KIF15: variants seen among roughly 807,000 people sequenced by gnomAD.
KIF15 encodes kinesin family member 15.
KIF15 carries 140 observed loss-of-function variants against 190.6 expected under a neutral mutation model. The ratio of observed to expected loss-of-function variants is 0.73; its 90% CI spans 0.64 to 0.84. KIF15 has a LOEUF of 0.84. Ranked by LOEUF, KIF15 falls within the 40% of genes least tolerant of loss-of-function variation. KIF15 has a pLI of 0.00. For synonymous variants in KIF15, 528 were observed against 551.3 expected (o/e 0.96, Z 0.59); for missense variants, 1,372 against 1,584.4 (o/e 0.87, Z 2.28).
intron 27 of KIF15, among the ~76,000 whole-genome samples, chr3:44,839,099 G>A (rs764183541): frequency 3.3e-5 from 5 of 152,024 alleles, no homozygotes; most frequent in African/African-American, 1.2e-4. Context: ...GTCCAGGTGC[G>A]GTGGCTCACA....
At chr3:44,866,592 C>T (rs1310691538) in intron 6 of KIF15, among the ~76,000 whole-genome samples, 2 of 152,204 alleles carry the variant, frequency 1.3e-5, no homozygotes, top group Non-Finnish European at 2.9e-5. Flanking sequence ...GACCTGGTAG[C>T]CAGGAGGCTA....
At chr3:44,828,684 G>A (rs890095093) in intron 24 of KIF15, among the ~76,000 whole-genome samples, 27 of 152,244 alleles carry the variant, frequency 1.8e-4, no homozygotes, top group African/African-American at 5.1e-4. Flanking sequence ...TTTAAATTAC[G>A]TATAAAATTC....
Position 44,851,789 on chromosome 3 carries a change from TAGA to T in KIF15, c.3815_3817del (p.Glu1272del), listed in dbSNP as rs1699065970. 18 of 1,611,650 alleles carry T rather than the reference TAGA, an allele frequency of 1.1e-5. No homozygotes were observed. Among genetic ancestry groups the T allele is most frequent in the Non-Finnish European group, 1.4e-5 (17 of 1,178,644 alleles). ...AAAGTGATAACCTATTCCTACAGCC[TAGA>T]AGAAGTCCAAAGTGCCCTTTACAAC... On this transcript the variant is annotated inframe_deletion, in exon 33 of 35. Transcript: ENST00000326047.
At chr3:44,811,706 A>G (rs1185547756) in intron 17 of KIF15, among the ~76,000 whole-genome samples, 2 of 152,216 alleles carry the variant, frequency 1.3e-5, no homozygotes, top group Admixed American at 6.6e-5. Context: ...TTTTTAATAT[A>G]TTTGAAATAA....
At chr3:44,862,050 C>T in intron 6 of KIF15, 2 of 1,344,332 alleles carry the variant, frequency 1.5e-6, no homozygotes, top group East Asian at 3.0e-5. Flanking sequence ...GCGTATTCAA[C>T]TGTCTGTGCG....
chr3:44,822,817 G>C (rs1459711207), intron 20 of KIF15, among the ~76,000 whole-genome samples: 2 of 152,104 alleles, frequency 1.3e-5, no homozygotes, highest in Admixed American at 6.5e-5. Flanking sequence ...GCCTTGTGCA[G>C]GTGTCATGAA....
At chr3:44,824,247 C>T (rs1270940586) in intron 20 of KIF15, among the ~76,000 whole-genome samples, 1 of 152,200 alleles carries the variant, frequency 6.6e-6, no homozygotes, top group Non-Finnish European at 1.5e-5. Context: ...ATCTATATTT[C>T]AGCATTCTCT....
At chr3:44,842,248 T>C (rs916243205) in intron 29 of KIF15, among the ~76,000 whole-genome samples, 3 of 152,186 alleles carry the variant, frequency 2.0e-5, no homozygotes, top group Admixed American at 1.3e-4. Flanking sequence ...TTGTTTTCCA[T>C]TTTTTTAAGC....
intron 30 of KIF15, 45 bp from the exon 31 acceptor site, chr3:44,847,940 G>C (rs375732407): frequency 7.7e-6 from 10 of 1,292,302 alleles, no homozygotes; most frequent in Non-Finnish European, 1.1e-5. Context: ...AATATACTTA[G>C]CAGTGTTTTC....
rs2125733517 is a variant in KIF15, at chr3:44,852,356, T to C, written c.4104+17T>C. ...CTTGCTGAGGTAAACCTAAAAATTA[T>C]TCTGAATAAATTCTGTCTGGTTTAA... On this transcript the variant is annotated intron_variant, in intron 34 of 34. Transcript: ENST00000326047. 1 of 1,593,324 alleles carries C rather than the reference T, an allele frequency of 6.3e-7. No individual in the cohort carries two copies. Among genetic ancestry groups the C allele is most frequent in the East Asian group, 2.2e-5 (1 of 44,590 alleles).
intron 1 of KIF15, among the ~76,000 whole-genome samples, chr3:44,772,761 T>C (rs1221926742): frequency 6.6e-6 from 1 of 152,048 alleles, no homozygotes; most frequent in Non-Finnish European, 1.5e-5. Flanking sequence ...CACACAGATA[T>C]CAAACCAGAA....
intron 28 of KIF15, 119 bp from the exon 29 acceptor site, chr3:44,840,955 T>C: frequency 1.0e-6 from 1 of 959,798 alleles, no homozygotes; most frequent in East Asian, 2.6e-5. Flanking sequence ...ATTACAGGTG[T>C]GAGCCACCAT....
chr3:44,808,881 T>C (rs1216685456), intron 16 of KIF15, among the ~76,000 whole-genome samples: 2 of 152,232 alleles, frequency 1.3e-5, no homozygotes, highest in Non-Finnish European at 2.9e-5. Flanking sequence ...GGATATCCCC[T>C]TGGGGGATAT....
intron 1 of KIF15, among the ~76,000 whole-genome samples, chr3:44,766,716 C>T (rs1188756613): frequency 6.6e-6 from 1 of 151,826 alleles, no homozygotes; most frequent in Admixed American, 6.6e-5. Context: ...GATGAATTTT[C>T]ATGAATGTTC....
chr3:44,827,187 G>C (rs913242783), intron 22 of KIF15: 1 of 399,946 alleles, frequency 2.5e-6, no homozygotes, highest in African/African-American at 2.0e-5. Flanking sequence ...CTAGCACAGG[G>C]AGACAGGTAA....
intron 26 of KIF15, among the ~76,000 whole-genome samples, chr3:44,831,238 ACT>A: frequency 6.6e-6 from 1 of 151,982 alleles, no homozygotes; most frequent in African/African-American, 2.4e-5. Context: ...TGCCTGAGAT[ACT>A]CCACACACGT....
chr3:44,857,457 G>A (rs185351554), downstream of KIF15, among the ~76,000 whole-genome samples: 67 of 152,296 alleles, frequency 4.4e-4, no homozygotes, highest in Non-Finnish European at 8.4e-4. Context: ...GCTATGGGGC[G>A]CGGTCCTGGT....
At chr3:44,851,382 ATGAAT>A (rs995724975) in intron 32 of KIF15, among the ~76,000 whole-genome samples, 5 of 152,248 alleles carry the variant, frequency 3.3e-5, no homozygotes, top group African/African-American at 4.8e-5. Flanking sequence ...AACTGAAGAA[ATGAAT>A]TGAAAGAAAT....
intron 26 of KIF15, among the ~76,000 whole-genome samples, chr3:44,836,375 A>AT (rs1000597764): frequency 4.0e-5 from 6 of 151,266 alleles, no homozygotes; most frequent in African/African-American, 1.2e-4. Context: ...TAAATAAATA[A>AT]TTTTTTTTTA....
Sources: allele counts gnomAD v4.1 joint callset (sites outside exome capture counted in the v4.1 genomes callset), GRCh38; gene constraint gnomAD v4.1.1; transcripts MANE v1.5; gene names NCBI Gene and HGNC (gene_info 2026-07-23, HGNC 2026-07-21).